The following IPO11 variants were observed in gnomAD, a reference collection of about 807,000 sequenced individuals.
IPO11 encodes the protein importin 11.
In IPO11, 66 loss-of-function variants were observed where a neutral mutation model predicts 143.2. That is an observed-to-expected ratio of 0.46 (90% CI 0.38 to 0.57). IPO11 has a LOEUF of 0.57. Among genes scored for constraint, IPO11 ranks in the 20% least tolerant of loss-of-function variants. IPO11 has a pLI of 0.00. For synonymous variants in IPO11, 385 were observed against 377.8 expected, an observed-to-expected ratio of 1.02 and a Z score of -0.22; for missense variants, 1,026 against 1,141.0, an observed-to-expected ratio of 0.90 and a Z score of 1.45.
At chr5:62,439,058 C>CAAAA (rs201729033) in intron 2 of IPO11, among the ~76,000 whole-genome samples, 1 of 73,726 alleles carries the variant, frequency 1.4e-5, no homozygotes, top group South Asian at 4.5e-4. Flanking sequence ...GACTCCATCT[C>CAAAA]AAAAAAAAAA....
chr5:62,540,792 G>C (rs534051833), intron 24 of IPO11, among the ~76,000 whole-genome samples: 6 of 152,308 alleles, frequency 3.9e-5, no homozygotes, highest in African/African-American at 7.2e-5. Flanking sequence ...TGCCAAGCAT[G>C]TAATAAGTGA....
intron 27 of IPO11, among the ~76,000 whole-genome samples, chr5:62,569,967 T>C (rs1330130253): frequency 2.0e-5 from 3 of 152,224 alleles, no homozygotes; most frequent in African/African-American, 7.2e-5. Flanking sequence ...TTTATTTTTA[T>C]TTTTTGTATA....
chr5:62,450,772 C>T (rs1744891101), intron 4 of IPO11, among the ~76,000 whole-genome samples: 1 of 150,770 alleles, frequency 6.6e-6, no homozygotes, highest in South Asian at 2.1e-4. Context: ...AAATTATGTA[C>T]AGCTTTATCT....
chr5:62,606,480 TAAAAAAAAAA>T (rs760722973), intron 29 of IPO11, among the ~76,000 whole-genome samples: 8 of 56,106 alleles, frequency 1.4e-4, no homozygotes, highest in African/African-American at 4.1e-4. Context: ...GACCCTGTCT[TAAAAAAAAAA>T]AAAAAAAAAA....
rs1285341259 is a variant in IPO11, at chr5:62,575,340, A to G, written c.2582+14083A>G. Among the ~76,000 whole-genome samples the G allele has an allele frequency of 1.9e-3, 295 of 152,306 alleles. 4 individuals are homozygous for G. Among genetic ancestry groups the G allele is most frequent in the Non-Finnish European group, 1.5e-4 (10 of 68,026 alleles). On this transcript the variant is annotated intron_variant, in intron 27 of 29. Coordinates refer to ENST00000325324, the MANE Select transcript of IPO11 (RefSeq NM_016338.5). Reference sequence around the variant, plus strand: ...TCAGATAACTAGATAGATGTTTTATATTCTGAACCATTTCTGTGTAAGTTG... The same window carrying G: ...TCAGATAACTAGATAGATGTTTTATGTTCTGAACCATTTCTGTGTAAGTTG...
At chr5:62,448,850 C>T (rs968719459) in intron 3 of IPO11, among the ~76,000 whole-genome samples, 15 of 152,126 alleles carry the variant, frequency 9.9e-5, no homozygotes, top group African/African-American at 2.9e-4. Context: ...TGAGCCACGA[C>T]GGCTGGCCCT....
At chr5:62,593,980 C>T (rs950011335) in intron 28 of IPO11, among the ~76,000 whole-genome samples, 3 of 152,160 alleles carry the variant, frequency 2.0e-5, no homozygotes, top group Admixed American at 2.0e-4. Context: ...AAAATACATA[C>T]TTATGTAGCT....
chr5:62,459,015 C>CT (rs1456830754), intron 5 of IPO11, among the ~76,000 whole-genome samples: 2 of 152,148 alleles, frequency 1.3e-5, no homozygotes, highest in Non-Finnish European at 2.9e-5. Context: ...GATTCTTACT[C>CT]TATGCAATCA....
intron 20 of IPO11, among the ~76,000 whole-genome samples, chr5:62,524,454 CT>C (rs777084973): frequency 6.6e-6 from 1 of 152,044 alleles, no homozygotes; most frequent in African/African-American, 2.4e-5. Flanking sequence ...AATTTTAAGT[CT>C]ACTGATAATC....
At chr5:62,454,121 C>T (rs753520354) in intron 5 of IPO11, among the ~76,000 whole-genome samples, 3 of 152,118 alleles carry the variant, frequency 2.0e-5, no homozygotes, top group South Asian at 2.1e-4. Context: ...GGTGACAGAG[C>T]GAGACTCCAT....
At chr5:62,414,889 A>T (rs911893132) in intron 1 of IPO11, among the ~76,000 whole-genome samples, 4 of 152,224 alleles carry the variant, frequency 2.6e-5, no homozygotes, top group African/African-American at 9.7e-5. Context: ...TATGCTGATT[A>T]TCCAGTCTGA....
At chr5:62,596,096 T>C (rs1276963448) in intron 28 of IPO11, among the ~76,000 whole-genome samples, 1 of 140,606 alleles carries the variant, frequency 7.1e-6, no homozygotes, top group Non-Finnish European at 1.5e-5. Context: ...CTGTCTCTAT[T>C]AAAAAAAAAA....
chr5:62,492,506 G>GTTT (rs1229518870), intron 15 of IPO11, among the ~76,000 whole-genome samples: 2 of 151,950 alleles, frequency 1.3e-5, no homozygotes, highest in African/African-American at 4.8e-5. Flanking sequence ...ACTTCTTGGG[G>GTTT]GCAGGGAATA....
At chr5:62,483,334 T>G (rs368667000) in intron 10 of IPO11, 41 bp downstream of exon 10, 303 of 1,202,930 alleles carry the variant, frequency 2.5e-4, no homozygotes, top group South Asian at 4.1e-4. Context: ...TATTTTAATC[T>G]TAAGTGTGAT....
intron 5 of IPO11, among the ~76,000 whole-genome samples, chr5:62,454,100 A>T (rs1580197291): frequency 6.6e-6 from 1 of 152,258 alleles, no homozygotes; most frequent in African/African-American, 2.4e-5. Flanking sequence ...GCACCACTGC[A>T]CTCCAGCCTG....
Position 62,501,194 on chromosome 5 carries a change from T to C in IPO11, c.1591-3473T>C, listed in dbSNP as rs144385025. ...GTGCGTTTTATGGGTCTTTCAGTTT[T>C]GTCAATTTTTCTTTTGTACACTCTC... On this transcript the variant is annotated intron_variant, in intron 16 of 29. Coordinates refer to ENST00000325324, the MANE Select transcript of IPO11 (RefSeq NM_016338.5). Among the ~76,000 whole-genome samples the C allele has an allele frequency of 2.3e-3, 349 of 152,316 alleles. 1 individual carries two copies. Among genetic ancestry groups the C allele is most frequent in the African/African-American group, 8.0e-3 (332 of 41,570 alleles).
intron 22 of IPO11, among the ~76,000 whole-genome samples, chr5:62,532,392 C>T (rs996529188): frequency 1.1e-4 from 16 of 152,116 alleles, no homozygotes; most frequent in Admixed American, 8.5e-4. Flanking sequence ...GAGTCTTGCT[C>T]TGTCACCCAG....
At chr5:62,419,651 A>G (rs1743429483) in intron 1 of IPO11, among the ~76,000 whole-genome samples, 1 of 151,996 alleles carries the variant, frequency 6.6e-6, no homozygotes, top group Admixed American at 6.6e-5. Flanking sequence ...AGGCTGTTTT[A>G]CAGTTAACTT....
intron 28 of IPO11, among the ~76,000 whole-genome samples, chr5:62,600,387 A>G (rs1296212342): frequency 1.3e-5 from 2 of 152,178 alleles, no homozygotes; most frequent in African/African-American, 4.8e-5. Context: ...CAGAACAGAG[A>G]GCATTCACTA....
Sources: allele counts gnomAD v4.1 joint callset (sites outside exome capture counted in the v4.1 genomes callset), GRCh38; gene constraint gnomAD v4.1.1; transcripts MANE v1.5; gene names NCBI Gene and HGNC (gene_info 2026-07-23, HGNC 2026-07-21).